Variants in RNF125 observed in about 807,000 individuals in gnomAD.
RNF125 encodes ring finger protein 125.
RNF125 carries 21 observed loss-of-function variants against 26.0 expected under a neutral mutation model. The ratio of observed to expected loss-of-function variants is 0.81; its 90% confidence interval spans 0.57 to 1.16. The LOEUF (loss-of-function observed/expected upper bound fraction) is 1.16, where lower values mean the gene tolerates loss of function less well. Among genes scored for constraint, RNF125 ranks in the 50% most tolerant of loss-of-function variants. The pLI, the probability that RNF125 is intolerant of heterozygous loss-of-function variation, is 0.00. For synonymous variants in RNF125, 95 were observed against 109.2 expected, an observed-to-expected ratio of 0.87 and a Z score of 0.81; for missense variants, 270 against 299.4, an observed-to-expected ratio of 0.90 and a Z score of 0.72.
At chr18:32,082,272 A>T in the RNF125 span, among the ~76,000 whole-genome samples, 1 of 152,174 alleles carries the variant, frequency 6.6e-6, no homozygotes, top group African/African-American at 2.4e-5. Context: ...ATCAAATAAG[A>T]TGTCACTACC....
At chr18:32,022,294 T>C (rs2038993353) in intron 1 of RNF125, among the ~76,000 whole-genome samples, 1 of 152,190 alleles carries the variant, frequency 6.6e-6, no homozygotes, top group Non-Finnish European at 1.5e-5. Context: ...TTATAAGTTG[T>C]ATTGTGATGC....
chr18:32,079,727 C>G, the RNF125 span, among the ~76,000 whole-genome samples: 1 of 152,172 alleles, frequency 6.6e-6, no homozygotes, highest in South Asian at 2.1e-4. Context: ...GAGATATGCC[C>G]ATCAAGTGAA....
the RNF125 span, among the ~76,000 whole-genome samples, chr18:32,087,136 C>T: frequency 2.1e-3 from 326 of 152,122 alleles, 2 homozygotes; most frequent in Middle Eastern, 6.8e-3. Flanking sequence ...CTATGCGTCT[C>T]GTCATCTGTA....
chr18:32,049,441 G>A lies in RNF125; in HGVS notation c.504+3709G>A, dbSNP rs141878700. ...TAATAAAGTAAGCACTCTGTCTCCTGGTGATCACTCCATTAATAGAAGAGG... is the reference window on the plus strand; with the variant it reads ...TAATAAAGTAAGCACTCTGTCTCCTAGTGATCACTCCATTAATAGAAGAGG... On this transcript the variant is annotated intron_variant, in intron 4 of 5. Transcript: ENST00000217740. Among the ~76,000 whole-genome samples the A allele has an allele frequency of 1.5e-3, 233 of 152,232 alleles. 3 individuals are homozygous for A. Among genetic ancestry groups the A allele is most frequent in the African/African-American group, 5.1e-3 (212 of 41,516 alleles).
chr18:32,023,479 G>A (rs947716653), intron 1 of RNF125, among the ~76,000 whole-genome samples: 2 of 152,040 alleles, frequency 1.3e-5, no homozygotes, highest in Admixed American at 6.6e-5. Flanking sequence ...TTTACATACC[G>A]CAAGGTCAGG....
rs2039227402 is a variant in RNF125, at chr18:32,042,198, G to A, written c.338G>A (p.Arg113Lys). Residue 113 changes from arginine to lysine, a missense_variant, in exon 3 of 6, where the codon AGG becomes AAG. Physicochemically the swap from Arg to Lys is conservative, Grantham distance 26. Coordinates refer to ENST00000217740, the MANE Select transcript of RNF125 (RefSeq NM_017831.4). ...CDTLVCLSEM[R>K]AHIRTCQKYI... The stretch of plus-strand genomic sequence containing the variant: ...ATGTAGGTTTGCCTCAGTGAAATGA[G>A]GGCACATATTCGGACTTGTCAGAAG... 1 of 1,612,920 alleles carries A rather than the reference G, an allele frequency of 6.2e-7. No individual in the cohort carries two copies.
chr18:32,056,310 G>C (rs1043370007), intron 4 of RNF125, among the ~76,000 whole-genome samples: 4 of 151,826 alleles, frequency 2.6e-5, no homozygotes, highest in Admixed American at 2.6e-4. Flanking sequence ...TGACTCACAT[G>C]AATAAAGAGG....
At position 32,068,484 on chromosome 18, in the gene RNF125, TGTACAACACAGTTATGTGTTTGTC is replaced by T; in HGVS notation, c.*101_*124del. The stretch of plus-strand genomic sequence containing the variant: ...GTTGTCAATGATTGATGGGCAAAAA[TGTACAACACAGTTATGTGTTTGTC>T]CATGTTTATTGTTATAGTGCATTTA... On this transcript the variant is annotated 3_prime_UTR_variant, in exon 6 of 6. Transcript: ENST00000217740. 1.4e-6 allele frequency: 1 copy of T among 737,768 alleles called. No homozygotes were observed. The highest frequency in any genetic ancestry group is 2.5e-6 in the Non-Finnish European group (1 of 406,474). 45.7% of individuals were successfully genotyped at this position (737,768 alleles called of 1,614,324 possible).
At chr18:32,059,266 C>T (rs1385532192) in intron 4 of RNF125, among the ~76,000 whole-genome samples, 1 of 152,204 alleles carries the variant, frequency 6.6e-6, no homozygotes. Context: ...CTTTTCTCCA[C>T]ATCCTCGTCA....
Position 32,018,932 on chromosome 18 carries a change from G to C in RNF125, c.69G>C (p.Glu23Asp), listed in dbSNP as rs2038957572. The change falls in exon 1 of 6, where the codon GAG (glutamate) becomes GAC (aspartate). Residue 23 changes from glutamate to aspartate, a missense_variant. Physicochemically the swap from Glu to Asp is conservative, Grantham distance 45. Coordinates refer to ENST00000217740, the MANE Select transcript of RNF125 (RefSeq NM_017831.4). ...APASATARAL[E>D]RRRDPELPVT... The stretch of plus-strand genomic sequence containing the variant: ...CCTCTGCCACCGCGCGGGCCCTGGA[G>C]CGCAGGAGGGACCCGGAGTTGCCCG... 6.2e-7 allele frequency: 1 copy of C among 1,612,810 alleles called. No homozygotes were observed. The highest frequency in any genetic ancestry group is 8.5e-7 in the Non-Finnish European group (1 of 1,179,596).
At chr18:32,046,929 C>T (rs1254494463) in intron 4 of RNF125, among the ~76,000 whole-genome samples, 3 of 152,248 alleles carry the variant, frequency 2.0e-5, no homozygotes, top group East Asian at 1.9e-4. Flanking sequence ...AGTACAGTGG[C>T]GCCATCTCGG....
chr18:32,030,674 A>G (rs2039084484), intron 1 of RNF125, among the ~76,000 whole-genome samples: 1 of 152,226 alleles, frequency 6.6e-6, no homozygotes, highest in African/African-American at 2.4e-5. Context: ...TCACGCCATG[A>G]TGGGAATGGG....
intron 4 of RNF125, among the ~76,000 whole-genome samples, chr18:32,060,233 C>CT (rs2039422142): frequency 6.6e-6 from 1 of 152,216 alleles, no homozygotes; most frequent in Non-Finnish European, 1.5e-5. Context: ...TGAAGCTCTT[C>CT]TAAGCTGCCA....
rs544167942 is a variant in RNF125, at chr18:32,053,768, TAA to T, written c.504+8047_504+8048del. On this transcript the variant is annotated intron_variant, in intron 4 of 5. Transcript: ENST00000217740. The stretch of plus-strand genomic sequence containing the variant: ...GGGTGATGGGAGTAAAACCCTGTCT[TAA>T]AAAAAAAAAATAGAACTGGAAAGCC... 2.2e-4 allele frequency among the ~76,000 whole-genome samples: 32 copies of T among 146,262 alleles called. No homozygotes were observed. In the South Asian group the frequency reaches 6.5e-3, roughly 30 times the overall value.
chr18:32,090,601 T>A, the RNF125 span, among the ~76,000 whole-genome samples: 1 of 152,236 alleles, frequency 6.6e-6, no homozygotes. Context: ...ATATTTCTAA[T>A]CATTCCATTT....
At chr18:32,064,563 A>T (rs1455903896) in intron 4 of RNF125, among the ~76,000 whole-genome samples, 1 of 151,438 alleles carries the variant, frequency 6.6e-6, no homozygotes, top group Admixed American at 6.6e-5. Context: ...ACTATATCAC[A>T]CACACACACA....
intron 1 of RNF125, among the ~76,000 whole-genome samples, chr18:32,023,826 G>A (rs918161179): frequency 2.0e-5 from 3 of 152,220 alleles, no homozygotes; most frequent in African/African-American, 4.8e-5. Flanking sequence ...GAAGGCCGAT[G>A]CAGGAGGATG....
chr18:32,045,963 A>G (rs1555692961), intron 4 of RNF125, among the ~76,000 whole-genome samples: 1 of 152,140 alleles, frequency 6.6e-6, no homozygotes, highest in Non-Finnish European at 1.5e-5. Context: ...CTAACAGGTA[A>G]TCATGGGCAT....
At position 32,054,038 on chromosome 18, in the gene RNF125, A is replaced by G. The variant is rs144660093; in HGVS notation, c.504+8306A>G. 7.4e-5 allele frequency among the ~76,000 whole-genome samples: 11 copies of G among 148,002 alleles called. No homozygotes were observed. In the East Asian group the frequency reaches 2.2e-3, roughly 29 times the overall value. On this transcript the variant is annotated intron_variant, in intron 4 of 5. Coordinates refer to ENST00000217740, the MANE Select transcript of RNF125 (RefSeq NM_017831.4). Reference sequence around the variant, plus strand: ...CCTATGTTAGATGCTCTCACCTATGATCCTGATGATCAAAGCTCATATGAT... The same window carrying G: ...CCTATGTTAGATGCTCTCACCTATGGTCCTGATGATCAAAGCTCATATGAT...
Sources: gnomAD v4.1 joint callset for allele counts (sites outside exome capture counted in the v4.1 genomes callset) on GRCh38, gnomAD v4.1.1 for gene constraint, MANE v1.5 for transcripts, NCBI Gene and HGNC (gene_info 2026-07-23, HGNC 2026-07-21) for gene names.